S100A13: variants seen among roughly 807,000 people sequenced by gnomAD.
S100A13 encodes the protein S100 calcium binding protein A13.
A neutral mutation model predicts 8.2 loss-of-function variants in S100A13; 6 were observed. The observed-to-expected ratio is 0.73, with a 90% CI of 0.40 to 1.44. The LOEUF (loss-of-function observed/expected upper bound fraction) is 1.44, where lower values mean the gene tolerates loss of function less well. Among genes scored for constraint, S100A13 ranks in the 40% most tolerant of loss-of-function variants. The pLI is 0.02. For missense variants in S100A13, 114 were observed against 113.6 expected (o/e 1.00, Z -0.02); for synonymous variants, 39 against 45.9 (o/e 0.85, Z 0.61).
intron 2 of S100A13, 46 bp from the exon 3 acceptor site, chr1:153,619,084 T>A (rs536715007): frequency 6.4e-7 from 1 of 1,573,064 alleles, no homozygotes; most frequent in East Asian, 2.2e-5. Context: ...ACTGGGGTTC[T>A]TGAGAAAGTA....
Position 153,626,412 on chromosome 1 carries a change from A to G in S100A13, c.61T>C (p.Phe21Leu), listed in dbSNP as rs751290059. 1 of 1,614,076 alleles carries G rather than the reference A, an allele frequency of 6.2e-7. No homozygotes were observed. Among genetic ancestry groups the G allele is most frequent in the Non-Finnish European group, 8.5e-7 (1 of 1,180,050 alleles). ...CGGCCCTCCTGCCTTGCAAAGGTGA[A>G]GAAGGTGGTGACCACGGTCTCAATG... is the stretch of plus-strand genomic sequence containing the variant. Reference protein sequence around the residue: ...ESIETVVTTFFTFARQEGRKD... With the variant: ...ESIETVVTTFLTFARQEGRKD... Residue 21 changes from phenylalanine (F) to leucine (L), a missense_variant, in exon 2 of 3, where the codon TTC becomes CTC. Coordinates refer to ENST00000476133, the MANE Select transcript of S100A13 (RefSeq NM_001024211.2).
chr1:153,631,651 C>T, upstream of S100A13: 2 of 1,613,800 alleles, frequency 1.2e-6, no homozygotes, highest in Non-Finnish European at 1.7e-6. Context: ...TGACTCAGTG[C>T]TGTACCCTTC....
intron 2 of S100A13, among the ~76,000 whole-genome samples, chr1:153,619,811 C>G (rs1178405372): frequency 6.6e-6 from 1 of 152,164 alleles, no homozygotes; most frequent in Admixed American, 6.5e-5. Flanking sequence ...AGAGAAGACT[C>G]ACTGAATCTC....
At chr1:153,621,510 T>C (rs1030192433) in intron 2 of S100A13, among the ~76,000 whole-genome samples, 9 of 151,602 alleles carry the variant, frequency 5.9e-5, no homozygotes, top group African/African-American at 2.2e-4. Context: ...TGGTGGCTCA[T>C]GCCTGTAATC....
intron 2 of S100A13, among the ~76,000 whole-genome samples, chr1:153,621,436 C>A (rs558951869): frequency 9.9e-5 from 15 of 151,692 alleles, no homozygotes; most frequent in African/African-American, 4.8e-5. Context: ...GGATTACAGG[C>A]ATGAGCCACC....
chr1:153,625,911 T>G (rs987014623), intron 2 of S100A13, among the ~76,000 whole-genome samples: 7 of 152,224 alleles, frequency 4.6e-5, no homozygotes, highest in Non-Finnish European at 8.8e-5. Flanking sequence ...CTTGCGCCTG[T>G]AACCACAGCA....
chr1:153,623,897 C>G (rs187264698), intron 2 of S100A13, among the ~76,000 whole-genome samples: 2 of 152,242 alleles, frequency 1.3e-5, no homozygotes, highest in East Asian at 3.9e-4. Flanking sequence ...TGGCAAGTTA[C>G]TATAGGTGAA....
upstream of S100A13, chr1:153,630,313 G>A (rs914912458): frequency 4.7e-6 from 3 of 631,752 alleles, no homozygotes; most frequent in African/African-American, 1.8e-5. Context: ...GAGGGACACA[G>A]AGAACAGGCC....
intron 2 of S100A13, among the ~76,000 whole-genome samples, chr1:153,625,320 A>G (rs1454895656): frequency 6.6e-6 from 1 of 152,252 alleles, no homozygotes; most frequent in Non-Finnish European, 1.5e-5. Context: ...CAAGGAGTCC[A>G]TATTCACACA....
At chr1:153,628,459 T>A, upstream of S100A13, 3 of 1,550,770 alleles carry the variant, frequency 1.9e-6, no homozygotes, top group Non-Finnish European at 2.6e-6. Context: ...CTTGGCCATC[T>A]GTCCAGAACC....
At chr1:153,628,361 G>A (rs1667801405), upstream of S100A13, 4 of 1,542,512 alleles carry the variant, frequency 2.6e-6, no homozygotes, top group South Asian at 4.9e-5. Context: ...GTTCGTCTGT[G>A]AAGGGGTGGA....
chr1:153,628,014 G>A (rs900500825), upstream of S100A13: 18 of 1,548,928 alleles, frequency 1.2e-5, no homozygotes, highest in African/African-American at 2.1e-4. Context: ...AAATCCCTCT[G>A]TGGGTTCTCA....
chr1:153,627,657 G>C, upstream of S100A13: 1 of 170,580 alleles, frequency 5.9e-6, no homozygotes, highest in South Asian at 1.4e-4. Context: ...GTCTGGACCC[G>C]GGCTCCCTGC....
chr1:153,628,634 C>T (rs1215929793), upstream of S100A13: 11 of 1,384,740 alleles, frequency 7.9e-6, no homozygotes, highest in Non-Finnish European at 5.7e-6. Context: ...AGGGTGAGGG[C>T]AGTTTGGGAT....
chr1:153,632,871 GA>G (rs954595104), upstream of S100A13, among the ~76,000 whole-genome samples: 7 of 152,122 alleles, frequency 4.6e-5, no homozygotes, highest in African/African-American at 1.4e-4. Context: ...ATAGTCATTA[GA>G]AAAATCCCTT....
At chr1:153,631,565 C>A (rs1668010970), upstream of S100A13, 1 of 1,613,926 alleles carries the variant, frequency 6.2e-7, no homozygotes, top group East Asian at 2.2e-5. Flanking sequence ...TTGAGGAGGC[C>A]TAGAAGAGTC....
At chr1:153,625,438 C>G (rs1376911648) in intron 2 of S100A13, among the ~76,000 whole-genome samples, 1 of 152,238 alleles carries the variant, frequency 6.6e-6, no homozygotes, top group Admixed American at 6.5e-5. Context: ...GACCTGACTC[C>G]AGCCTGTGAG....
chr1:153,631,108 G>T (rs1481145984), upstream of S100A13: 4 of 301,198 alleles, frequency 1.3e-5, no homozygotes, highest in Admixed American at 1.9e-4. Context: ...TTAGGAGGAG[G>T]TAACTGAATG....
upstream of S100A13, chr1:153,630,671 A>G (rs373265462): frequency 1.9e-6 from 3 of 1,613,820 alleles, no homozygotes; most frequent in Non-Finnish European, 2.5e-6. Context: ...ATGTGAGCAT[A>G]GAGTGGTGGA....
Sources: gnomAD v4.1 joint callset for allele counts (sites outside exome capture counted in the v4.1 genomes callset) on GRCh38, gnomAD v4.1.1 for gene constraint, MANE v1.5 for transcripts, NCBI Gene and HGNC (gene_info 2026-07-23, HGNC 2026-07-21) for gene names.